ANK3: variants seen among roughly 807,000 people sequenced by gnomAD.
ANK3 encodes ankyrin-3.
Under a neutral mutation model 370.9 loss-of-function variants are expected in ANK3, and 57 were observed. That is an observed-to-expected ratio of 0.15 (90% CI 0.12 to 0.19). ANK3 has a LOEUF of 0.19. Among genes scored for constraint, ANK3 ranks in the 10% least tolerant of loss-of-function variants. The pLI is 1.00. For missense variants in ANK3, 4,439 were observed against 5,302.1 expected (o/e 0.84, Z 5.06); for synonymous variants, 1,929 against 1,946.3 (o/e 0.99, Z 0.23).
intron 26 of ANK3, 126 bp downstream of exon 26, chr10:60,114,099 G>A (rs2092916359): frequency 4.6e-6 from 2 of 433,172 alleles, no homozygotes; most frequent in East Asian, 3.6e-5. Context: ...ATATACTAAT[G>A]AATATACATT....
chr10:60,567,612 A>G (rs2077494613), intron 2 of ANK3, among the ~76,000 whole-genome samples: 1 of 152,156 alleles, frequency 6.6e-6, no homozygotes, highest in Non-Finnish European at 1.5e-5. Context: ...AGTAATTTCA[A>G]CTTTTGTGTC....
chr10:60,656,353 T>C (rs77242103), intron 1 of ANK3, among the ~76,000 whole-genome samples: 6,510 of 152,242 alleles, frequency 0.043, 179 homozygotes, highest in Middle Eastern at 0.075. Flanking sequence ...GTCTTGTTAT[T>C]CTCTCTTTAT....
chr10:60,184,086 G>C (rs1001571114), intron 17 of ANK3, among the ~76,000 whole-genome samples: 2 of 152,132 alleles, frequency 1.3e-5, no homozygotes, highest in African/African-American at 2.4e-5. Context: ...TACTGGGAAA[G>C]TGCTGGTTAC....
At chr10:60,682,037 C>T (rs973127995) in intron 1 of ANK3, among the ~76,000 whole-genome samples, 1 of 152,084 alleles carries the variant, frequency 6.6e-6, no homozygotes, top group Non-Finnish European at 1.5e-5. Context: ...GTCTTAGCTA[C>T]TTAGGAGGCT....
chr10:60,347,809 C>T (rs189906519), intron 1 of ANK3, among the ~76,000 whole-genome samples: 107 of 152,290 alleles, frequency 7.0e-4, no homozygotes, highest in African/African-American at 2.5e-3. Flanking sequence ...GACTCACCCC[C>T]TGAGAATTTA....
chr10:60,611,428 G>A (rs1476506900), intron 2 of ANK3, among the ~76,000 whole-genome samples: 2 of 152,156 alleles, frequency 1.3e-5, no homozygotes, highest in Non-Finnish European at 2.9e-5. Flanking sequence ...CTGCAGGGCA[G>A]CCTCGCACTG....
chr10:60,543,715 T>C (rs1298683083), intron 2 of ANK3, among the ~76,000 whole-genome samples: 2 of 152,046 alleles, frequency 1.3e-5, no homozygotes, highest in African/African-American at 2.4e-5. Flanking sequence ...TCTCATAAAA[T>C]TTAATCTAAA....
chr10:60,408,319 G>A (rs964533385), intron 2 of ANK3, among the ~76,000 whole-genome samples: 1 of 152,132 alleles, frequency 6.6e-6, no homozygotes, highest in Non-Finnish European at 1.5e-5. Flanking sequence ...ATTGGATCAT[G>A]GGGACAGAGT....
chr10:60,037,483 T>C (rs1345433933), intron 43 of ANK3, among the ~76,000 whole-genome samples: 1 of 152,214 alleles, frequency 6.6e-6, no homozygotes, highest in Non-Finnish European at 1.5e-5. Context: ...GTCTGTTTTT[T>C]CCCTTTTTGT....
chr10:60,469,342 A>AGT lies in ANK3; in HGVS notation c.96+145842_96+145843dup, dbSNP rs375823239. On this transcript the variant is annotated intron_variant, in intron 2 of 43. Transcript: ENST00000373827. The stretch of plus-strand genomic sequence containing the variant: ...GTGTATATATATATATACCACTTTT[A>AGT]GTGTATATATATATACCACTTTTAG... Among the ~76,000 whole-genome samples, 60 of 18,386 alleles carry AGT rather than the reference A, an allele frequency of 3.3e-3. 1 individual carries two copies. The highest frequency in any genetic ancestry group is 9.2e-3 in the African/African-American group (52 of 5,650). 12.1% of individuals were successfully genotyped at this position (18,386 alleles called of 152,430 possible).
chr10:60,526,535 C>T (rs1047231088), intron 2 of ANK3, among the ~76,000 whole-genome samples: 5 of 152,006 alleles, frequency 3.3e-5, no homozygotes, highest in African/African-American at 1.2e-4. Context: ...CAAAACAGCT[C>T]TTTAGTGTAA....
In ANK3 at chr10:60,292,137, C is replaced by T. The variant is rs535921011; in HGVS notation, c.115-12498G>A. 2.0e-5 allele frequency among the ~76,000 whole-genome samples: 3 copies of T among 152,220 alleles called. No individual in the cohort carries two copies. In the South Asian group the frequency reaches 6.2e-4, roughly 32 times the overall value. On this transcript the variant is annotated intron_variant, in intron 1 of 43. Coordinates refer to ENST00000280772, the MANE Select transcript of ANK3 (RefSeq NM_020987.5). ...ATACAAGAGGAACAGACAGTTCAACCTTAAAATTAATAAAATGTTTATATT... is the reference window on the plus strand; with the variant it reads ...ATACAAGAGGAACAGACAGTTCAACTTTAAAATTAATAAAATGTTTATATT...
intron 27 of ANK3, among the ~76,000 whole-genome samples, chr10:60,106,544 C>G (rs776210434): frequency 5.1e-4 from 78 of 152,148 alleles, no homozygotes; most frequent in Non-Finnish European, 8.4e-4. Context: ...AACGACTCCT[C>G]CAACAGGCAG....
chr10:60,228,204 T>G (rs1262825229), intron 8 of ANK3, among the ~76,000 whole-genome samples: 1 of 152,232 alleles, frequency 6.6e-6, no homozygotes, highest in East Asian at 1.9e-4. Flanking sequence ...GAGAGAATTC[T>G]TGACTTTCCA....
chr10:60,534,949 G>A (rs1046607809), intron 2 of ANK3, among the ~76,000 whole-genome samples: 1 of 152,186 alleles, frequency 6.6e-6, no homozygotes, highest in African/African-American at 2.4e-5. Context: ...GTGTCAATCA[G>A]CCTCCACTGT....
chr10:60,419,179 T>C lies in ANK3; in HGVS notation c.97-139540A>G, dbSNP rs758892454. Among the ~76,000 whole-genome samples, 7 of 152,138 alleles carry C rather than the reference T, an allele frequency of 4.6e-5. No individual in the cohort carries two copies. In the East Asian group the frequency reaches 1.2e-3, roughly 25 times the overall value. On this transcript the variant is annotated intron_variant, in intron 2 of 43. Transcript: ENST00000373827. ...CCCACAAGCTCATTTTAAAAATCCA[T>C]TGGAAAGAGATGAATTTAAAGAAAA...
intron 28 of ANK3, 30 bp downstream of exon 28, chr10:60,105,875 T>C: frequency 6.4e-7 from 1 of 1,562,238 alleles, no homozygotes; most frequent in Non-Finnish European, 8.6e-7. Flanking sequence ...CCTGCAGACA[T>C]TTACAGAACC....
At position 60,134,347 on chromosome 10, in the gene ANK3, G is replaced by A. The variant is rs1381120595; in HGVS notation, c.2765C>T (p.Ser922Phe). 2 of 1,613,778 alleles carry A rather than the reference G, an allele frequency of 1.2e-6. No individual in the cohort carries two copies. Among genetic ancestry groups the A allele is most frequent in the Non-Finnish European group, 1.7e-6 (2 of 1,179,872 alleles). Reference protein sequence around the residue: ...ASLRSFSSDRSYTLNRSSYAR... With the variant: ...ASLRSFSSDRFYTLNRSSYAR... Reference sequence around the variant, plus strand: ...ATAGGAGCTTCTGTTCAAGGTGTAAGACCTATCCGAACTGAAGGAGCGGAG... The same window carrying A: ...ATAGGAGCTTCTGTTCAAGGTGTAAAACCTATCCGAACTGAAGGAGCGGAG... Residue 922 changes from serine to phenylalanine, a missense_variant, in exon 25 of 44, where the codon TCT (serine) becomes TTT (phenylalanine). By Grantham distance (155) the Ser-to-Phe change is radical (BLOSUM62 -2). Transcript: ENST00000280772.
intron 2 of ANK3, among the ~76,000 whole-genome samples, chr10:60,467,743 T>C (rs1001901001): frequency 5.3e-5 from 8 of 152,114 alleles, no homozygotes; most frequent in Admixed American, 3.9e-4. Flanking sequence ...ACTTAAACTA[T>C]TTTTTCAGAG....
Sources: allele counts gnomAD v4.1 joint callset (sites outside exome capture counted in the v4.1 genomes callset), GRCh38; gene constraint gnomAD v4.1.1; transcripts MANE v1.5; gene names NCBI Gene and HGNC (gene_info 2026-07-23, HGNC 2026-07-21).